The following DRC8 variants were observed in gnomAD, a reference collection of about 807,000 sequenced individuals.
DRC8 encodes dynein regulatory complex subunit 8, also known as dynein regulatory complex protein 8.
chr1:245,087,181 C>G, the DRC8 span: 1 of 1,571,230 alleles, frequency 6.4e-7, no homozygotes, highest in Non-Finnish European at 8.6e-7. Flanking sequence ...ATTAAGCTGG[C>G]TAGTGGAAAG....
chr1:244,981,305 A>C, the DRC8 span, among the ~76,000 whole-genome samples: 3 of 152,188 alleles, frequency 2.0e-5, no homozygotes, highest in Non-Finnish European at 4.4e-5. Flanking sequence ...TAAGATTGAA[A>C]GCACAATTGC....
chr1:245,080,942 A>G, the DRC8 span, among the ~76,000 whole-genome samples: 7 of 151,966 alleles, frequency 4.6e-5, no homozygotes, highest in Non-Finnish European at 8.8e-5. Flanking sequence ...CTAGCCGCCA[A>G]TGTGTCAGCA....
At chr1:245,050,233 T>G in the DRC8 span, among the ~76,000 whole-genome samples, 1 of 152,220 alleles carries the variant, frequency 6.6e-6, no homozygotes, top group Non-Finnish European at 1.5e-5. Context: ...GTCTTTTTTT[T>G]CTTTTTTCTT....
the DRC8 span, among the ~76,000 whole-genome samples, chr1:245,051,383 A>G: frequency 6.6e-5 from 10 of 152,200 alleles, no homozygotes; most frequent in African/African-American, 2.4e-4. Flanking sequence ...AGCAGACCCC[A>G]TCTCCTCAAT....
the DRC8 span, among the ~76,000 whole-genome samples, chr1:244,972,415 G>T: frequency 6.6e-6 from 1 of 152,346 alleles, no homozygotes; most frequent in South Asian, 2.1e-4. Context: ...ACTGTGCTAG[G>T]TGTGTATCCT....
At chr1:245,049,630 A>G in the DRC8 span, among the ~76,000 whole-genome samples, 1 of 152,168 alleles carries the variant, frequency 6.6e-6, no homozygotes, top group African/African-American at 2.4e-5. The surrounding 1 kb of genome is among the most constrained non-coding windows in gnomAD (Gnocchi z 4.5). Flanking sequence ...AACAACAACA[A>G]AAATACCCGA....
At chr1:245,007,180 C>G in the DRC8 span, among the ~76,000 whole-genome samples, 1 of 152,032 alleles carries the variant, frequency 6.6e-6, no homozygotes, top group African/African-American at 2.4e-5. Context: ...CCAGACAAGT[C>G]CAGGTTGTGG....
the DRC8 span, among the ~76,000 whole-genome samples, chr1:245,082,446 A>C: frequency 6.6e-6 from 1 of 152,238 alleles, no homozygotes; most frequent in Non-Finnish European, 1.5e-5. Flanking sequence ...ATTATCAATG[A>C]TAAATAAGAA....
chr1:245,066,849 G>A, the DRC8 span, among the ~76,000 whole-genome samples: 1 of 152,058 alleles, frequency 6.6e-6, no homozygotes, highest in Non-Finnish European at 1.5e-5. Context: ...GGAGCTTGCA[G>A]TGAGCCGAGA....
chr1:245,104,214 G>C, the DRC8 span, among the ~76,000 whole-genome samples: 1 of 152,180 alleles, frequency 6.6e-6, no homozygotes, highest in Non-Finnish European at 1.5e-5. Context: ...TAAAGAGTAG[G>C]ATCAATGGGC....
the DRC8 span, chr1:245,122,681 T>G: frequency 6.6e-6 from 1 of 152,220 alleles, no homozygotes; most frequent in Admixed American, 6.6e-5. Context: ...TAGGCTGGTC[T>G]CAAACTCCTG....
chr1:245,098,653 C>T, the DRC8 span, among the ~76,000 whole-genome samples: 3 of 152,184 alleles, frequency 2.0e-5, no homozygotes, highest in African/African-American at 4.8e-5. Flanking sequence ...GGTAGCGCCG[C>T]GTTTTTCAGT....
the DRC8 span, among the ~76,000 whole-genome samples, chr1:245,017,034 T>C: frequency 2.0e-5 from 3 of 152,224 alleles, no homozygotes; most frequent in East Asian, 1.9e-4. Context: ...CTTTACCATA[T>C]GTATATTTTG....
the DRC8 span, among the ~76,000 whole-genome samples, chr1:245,034,125 A>T: frequency 6.6e-6 from 1 of 152,294 alleles, no homozygotes; most frequent in Non-Finnish European, 1.5e-5. Context: ...TTTCATCTCC[A>T]TCCTTCTTTT....
chr1:245,022,209 G>A, the DRC8 span, among the ~76,000 whole-genome samples: 1 of 149,950 alleles, frequency 6.7e-6, no homozygotes, highest in East Asian at 2.0e-4. Flanking sequence ...GCAGTGGAGT[G>A]ATCTCGGCTC....
the DRC8 span, among the ~76,000 whole-genome samples, chr1:245,105,846 G>C: frequency 6.6e-6 from 1 of 152,170 alleles, no homozygotes; most frequent in Non-Finnish European, 1.5e-5. Flanking sequence ...GGAGGCCAAG[G>C]CAGGAAGTTC....
the DRC8 span, among the ~76,000 whole-genome samples, chr1:245,060,701 C>T: frequency 4.6e-5 from 7 of 152,206 alleles, no homozygotes; most frequent in Non-Finnish European, 8.8e-5. Flanking sequence ...GACGAATTTA[C>T]AGCGAAATCA....
the DRC8 span, chr1:244,969,858 C>G: frequency 2.4e-6 from 1 of 425,416 alleles, no homozygotes; most frequent in Admixed American, 4.6e-5. Flanking sequence ...GCAGCCGGGC[C>G]GCTTCCCGGC....
At chr1:245,065,091 T>TA in the DRC8 span, among the ~76,000 whole-genome samples, 1 of 142,706 alleles carries the variant, frequency 7.0e-6, no homozygotes. Flanking sequence ...TTTTTTTTTT[T>TA]TTTTTTGTAT....
Sources: gnomAD v4.1 joint callset for allele counts (sites outside exome capture counted in the v4.1 genomes callset) on GRCh38, gnomAD v4.1.1 for gene constraint, Gnocchi (gnomAD v3.1) non-coding constraint, MANE v1.5 for transcripts, NCBI Gene and HGNC (gene_info 2026-07-23, HGNC 2026-07-21) for gene names.